The following CARD19 variants were observed in gnomAD, a reference collection of about 807,000 sequenced individuals.
CARD19 encodes caspase recruitment domain family member 19, also known as caspase recruitment domain-containing protein 19.
A neutral mutation model predicts 24.1 loss-of-function variants in CARD19; 25 were observed. That is an observed-to-expected ratio of 1.04 (90% CI 0.76 to 1.45). The LOEUF is 1.45. Ranked by LOEUF, CARD19 falls within the 40% of genes most tolerant of loss-of-function variation. CARD19 has a pLI of 0.00. For missense variants in CARD19, 241 were observed against 247.4 expected (o/e 0.97, Z 0.17); for synonymous variants, 103 against 104.9 (o/e 0.98, Z 0.11).
chr9:93,098,924 CAG>C (rs1826982720), intron 1 of CARD19, among the ~76,000 whole-genome samples: 1 of 100,294 alleles, frequency 1.0e-5, no homozygotes, highest in Non-Finnish European at 1.9e-5. Context: ...TTTTTTGAGA[CAG>C]AGTCTCATTC....
Position 93,096,233 on chromosome 9 carries a change from G to A in CARD19, c.-113G>A. ...TGGCCTAGCCAAAAGGGGCGGGCGA[G>A]CACGGCCCGCGGGCGGCGTTCGCTG... On this transcript the variant is annotated 5_prime_UTR_variant, in exon 1 of 6. Coordinates refer to ENST00000375464, the MANE Select transcript of CARD19 (RefSeq NM_032310.5). The surrounding 1 kb of genome is among the most constrained non-coding windows in gnomAD (Gnocchi z 5.4). The A allele has an allele frequency of 8.9e-7, 1 of 1,128,930 alleles. No individual in the cohort carries two copies. Among genetic ancestry groups the A allele is most frequent in the East Asian group, 3.3e-5 (1 of 30,014 alleles). The allele number at this position is 1,128,930 out of a possible 1,614,324, so 69.9% of individuals were successfully genotyped here. A position where few individuals can be genotyped will look rare whatever the true frequency, so the allele number is the denominator to read the frequency against.
rs755689249 is a variant in CARD19 at position 93,113,243 on chromosome 9, C to A, written c.*136C>A. 6 of 595,646 alleles carry A rather than the reference C, an allele frequency of 1.0e-5. No homozygotes were observed. Among genetic ancestry groups the A allele is most frequent in the Non-Finnish European group, 1.8e-5 (6 of 341,464 alleles). 36.9% of individuals were successfully genotyped at this position (595,646 alleles called of 1,614,324 possible). On this transcript the variant is annotated 3_prime_UTR_variant, in exon 6 of 6. Coordinates refer to ENST00000375464, the MANE Select transcript of CARD19 (RefSeq NM_032310.5). ...ATTTGTGTAAAAAACACACCTTCAC[C>A]TTACAAGGTGCTGACCATATTAAAT...
intron 4 of CARD19, 98 bp downstream of exon 4, chr9:93,112,036 C>A (rs1827511888): frequency 1.4e-6 from 2 of 1,478,260 alleles, no homozygotes; most frequent in Non-Finnish European, 1.8e-6. Flanking sequence ...CTTCTCCACC[C>A]CAAGTCTGGC....
Position 93,096,835 on chromosome 9 carries a change from G to A in CARD19, c.7+483G>A, listed in dbSNP as rs1826884998. Among the ~76,000 whole-genome samples, 1 of 152,218 alleles carries A rather than the reference G, an allele frequency of 6.6e-6. No individual in the cohort carries two copies. Among genetic ancestry groups the A allele is most frequent in the Non-Finnish European group, 1.5e-5 (1 of 68,032 alleles). On this transcript the variant is annotated intron_variant, in intron 1 of 5. Transcript: ENST00000375464. The surrounding 1 kb of genome is among the most constrained non-coding windows in gnomAD (Gnocchi z 5.4). ...ACCCCAGCGAGGTCGCGGGACAGGCGATGCGTTCCTCGGCGGCATGTGATT... is the reference window on the plus strand; with the variant it reads ...ACCCCAGCGAGGTCGCGGGACAGGCAATGCGTTCCTCGGCGGCATGTGATT...
intron 3 of CARD19, chr9:93,111,462 G>T: frequency 9.2e-7 from 1 of 1,082,468 alleles, no homozygotes; most frequent in Non-Finnish European, 1.1e-6. Flanking sequence ...CCAGGCTACT[G>T]GGCTGTGGTC....
At chr9:93,100,041 T>TCACCGTGGTCCCCAGCCCCG (rs546865260) in intron 1 of CARD19, among the ~76,000 whole-genome samples, 95 of 152,370 alleles carry the variant, frequency 6.2e-4, no homozygotes, top group African/African-American at 2.2e-3. Flanking sequence ...GATCTGCCCA[T>TCACCGTGGTCCCCAGCCCCG]CACCGTGGTC....
In CARD19 at chr9:93,113,099, G is replaced by C. The variant is rs56145587; in HGVS notation, c.544G>C (p.Gly182Arg). The C allele has an allele frequency of 0.099, 154,802 of 1,569,890 alleles. 8,483 individuals are homozygous for C. Among genetic ancestry groups the C allele is most frequent in the South Asian group, 0.18 (15,142 of 86,044 alleles). Residue 182 changes from glycine (G) to arginine (R), a missense_variant, in exon 6 of 6, where the codon GGG becomes CGG. Physicochemically the swap from Gly to Arg is moderately radical, Grantham distance 125. Coordinates refer to ENST00000375464, the MANE Select transcript of CARD19 (RefSeq NM_032310.5). ...LLAFLADDLG[G>R]L ...GGCCTTCCTGGCAGATGACCTAGGG[G>C]GGCTCTGACAGACCCTGGACCCAGG...
chr9:93,106,172 A>G (rs1387671883), intron 1 of CARD19, among the ~76,000 whole-genome samples: 1 of 151,730 alleles, frequency 6.6e-6, no homozygotes, highest in Non-Finnish European at 1.5e-5. Context: ...TTTTTTTTAC[A>G]TCCTTTCATT....
At chr9:93,112,193 C>T (rs1207790393) in intron 4 of CARD19, 25 bp from the exon 5 acceptor site, 2 of 1,542,746 alleles carry the variant, frequency 1.3e-6, no homozygotes, top group African/African-American at 1.4e-5. Flanking sequence ...CCAGGGGAGC[C>T]CTGTTCACGC....
At chr9:93,099,215 C>T (rs535382166) in intron 1 of CARD19, among the ~76,000 whole-genome samples, 74 of 152,310 alleles carry the variant, frequency 4.9e-4, no homozygotes, top group African/African-American at 1.7e-3. Flanking sequence ...TGAGCCACCG[C>T]GTCCGGCCTG....
At chr9:93,108,257 C>G (rs1033835924) in intron 2 of CARD19, among the ~76,000 whole-genome samples, 1 of 152,194 alleles carries the variant, frequency 6.6e-6, no homozygotes, top group Non-Finnish European at 1.5e-5. Context: ...CACCCCAGTG[C>G]CACAGGGCTT....
Position 93,096,371 on chromosome 9 carries a change from G to T in CARD19, c.7+19G>T, listed in dbSNP as rs1046370219. 4.1e-6 allele frequency: 5 copies of T among 1,225,572 alleles called. No homozygotes were observed. In the East Asian group the frequency reaches 1.3e-4, roughly 31 times the overall value. The allele number at this position is 1,225,572 out of a possible 1,614,324, so 75.9% of individuals were successfully genotyped here. A position where few individuals can be genotyped will look rare whatever the true frequency, so the allele number is the denominator to read the frequency against. On this transcript the variant is annotated intron_variant, in intron 1 of 5. Transcript: ENST00000375464. This position sits in a 1 kb window ranked among gnomAD's most constrained non-coding sequence, Gnocchi z 5.4. ...ATGACAGGTGGGCACGGGGTCGGCT[G>T]GGCGGCAGGGATGCGGGCGCCCTGG...
At chr9:93,111,646 G>GT (rs1564212717) in intron 3 of CARD19, 17 of 1,382,408 alleles carry the variant, frequency 1.2e-5, no homozygotes, top group Non-Finnish European at 1.6e-5. Context: ...CCCCACTGGA[G>GT]GTAGAGCACC....
chr9:93,104,873 A>G (rs1462157465), intron 1 of CARD19, among the ~76,000 whole-genome samples: 1 of 152,080 alleles, frequency 6.6e-6, no homozygotes, highest in East Asian at 1.9e-4. Flanking sequence ...TGTCAGTTTT[A>G]TTGATGTTAT....
intron 2 of CARD19, among the ~76,000 whole-genome samples, chr9:93,108,285 G>A (rs750582230): frequency 2.0e-5 from 3 of 152,174 alleles, no homozygotes; most frequent in African/African-American, 2.4e-5. Flanking sequence ...TGCATCTTCC[G>A]AAGGTTCAAA....
chr9:93,107,631 C>T, intron 1 of CARD19, 43 bp from the exon 2 acceptor site: 1 of 1,611,460 alleles, frequency 6.2e-7, no homozygotes, highest in Non-Finnish European at 8.5e-7. Context: ...TCTCTGGTCC[C>T]CTTGGGCTGT....
Position 93,096,652 on chromosome 9 carries a change from C to T in CARD19, c.7+300C>T, listed in dbSNP as rs529757775. On this transcript the variant is annotated intron_variant, in intron 1 of 5. Transcript: ENST00000375464. This position sits in a 1 kb window ranked among gnomAD's most constrained non-coding sequence, Gnocchi z 5.4. Reference sequence around the variant, plus strand: ...AAGGCAGCTCCAGGGTGGGGCTGCACAGCCGCGGTCTGGGCTCAGCCACTG... The same window carrying T: ...AAGGCAGCTCCAGGGTGGGGCTGCATAGCCGCGGTCTGGGCTCAGCCACTG... Among the ~76,000 whole-genome samples the T allele has an allele frequency of 1.2e-4, 19 of 152,296 alleles. No individual in the cohort carries two copies. The highest frequency in any genetic ancestry group is 1.0e-3 in the Admixed American group (16 of 15,300).
intron 4 of CARD19, 137 bp downstream of exon 4, chr9:93,112,075 ACCC>A: frequency 8.2e-7 from 1 of 1,217,838 alleles, no homozygotes; most frequent in Non-Finnish European, 1.2e-6. Flanking sequence ...TTGGTGACAG[ACCC>A]CCCCCCTAAG....
In CARD19 at chr9:93,112,983, G is replaced by A; in HGVS notation, c.437-9G>A. The stretch of plus-strand genomic sequence containing the variant: ...TTCTTGAGCTTTTGCCTCCCCTTTT[G>A]TCTTCTAGACCCCAAGGGCCTGCCA... On this transcript the variant is annotated splice_polypyrimidine_tract_variant and intron_variant, in intron 5 of 5. Transcript: ENST00000375464. 1 of 1,594,484 alleles carries A rather than the reference G, an allele frequency of 6.3e-7. No homozygotes were observed. Among genetic ancestry groups the A allele is most frequent in the Non-Finnish European group, 8.6e-7 (1 of 1,167,882 alleles).
Sources: allele counts gnomAD v4.1 joint callset (sites outside exome capture counted in the v4.1 genomes callset), GRCh38; gene constraint gnomAD v4.1.1; non-coding constraint Gnocchi (gnomAD v3.1); transcripts MANE v1.5; gene names NCBI Gene and HGNC (gene_info 2026-07-23, HGNC 2026-07-21).